The following PRKCA variants were observed in gnomAD, a reference collection of about 807,000 sequenced individuals.
PRKCA encodes the protein protein kinase C alpha type.
In PRKCA, 27 loss-of-function variants were observed where a neutral mutation model predicts 87.0. That is an observed-to-expected ratio of 0.31 (90% CI 0.23 to 0.43). The LOEUF (loss-of-function observed/expected upper bound fraction) is 0.43, where lower values mean the gene tolerates loss of function less well. Among genes scored for constraint, PRKCA ranks in the 20% least tolerant of loss-of-function variants. The pLI is 1.00. For synonymous variants in PRKCA, 329 were observed against 311.1 expected (o/e 1.06, Z -0.61); for missense variants, 518 against 852.3 (o/e 0.61, Z 4.88).
intron 3 of PRKCA, among the ~76,000 whole-genome samples, chr17:66,593,451 G>T (rs181953057): frequency 2.2e-4 from 33 of 152,294 alleles, no homozygotes; most frequent in Middle Eastern, 3.4e-3. Context: ...AGCACTCTGT[G>T]CACAGCCCAC....
At chr17:66,571,101 A>G (rs142546780) in intron 3 of PRKCA, among the ~76,000 whole-genome samples, 1 of 152,334 alleles carries the variant, frequency 6.6e-6, no homozygotes, top group Non-Finnish European at 1.5e-5. Flanking sequence ...TACTTCTTAA[A>G]TTTCGTACTA....
intron 2 of PRKCA, among the ~76,000 whole-genome samples, chr17:66,417,920 G>A (rs2143776016): frequency 6.6e-6 from 1 of 152,176 alleles, no homozygotes; most frequent in South Asian, 2.1e-4. Flanking sequence ...TATTTCTATG[G>A]TAACTCCCAT....
chr17:66,674,382 C>T (rs1216890764), intron 5 of PRKCA, among the ~76,000 whole-genome samples: 1 of 152,224 alleles, frequency 6.6e-6, no homozygotes, highest in African/African-American at 2.4e-5. Flanking sequence ...TCAGCAGTTA[C>T]TCAGTTCACG....
chr17:66,596,361 C>A (rs147871307), intron 3 of PRKCA, among the ~76,000 whole-genome samples: 1 of 152,056 alleles, frequency 6.6e-6, no homozygotes. Context: ...CAATTGGATG[C>A]GTTTTTCCTT....
At chr17:66,389,799 T>C (rs113591203) in intron 2 of PRKCA, among the ~76,000 whole-genome samples, 2 of 152,386 alleles carry the variant, frequency 1.3e-5, no homozygotes, top group African/African-American at 4.8e-5. Flanking sequence ...TAACATTTCA[T>C]TCTTACACAT....
intron 2 of PRKCA, among the ~76,000 whole-genome samples, chr17:66,489,542 A>G (rs957389447): frequency 6.6e-6 from 1 of 151,738 alleles, no homozygotes; most frequent in African/African-American, 2.4e-5. Flanking sequence ...CACCATCATT[A>G]TTGACAACTA....
At chr17:66,453,467 G>A (rs532475085) in intron 2 of PRKCA, among the ~76,000 whole-genome samples, 4 of 151,972 alleles carry the variant, frequency 2.6e-5, no homozygotes, top group South Asian at 4.2e-4. Flanking sequence ...ACAGGCGCCC[G>A]CCACCATGCC....
chr17:66,752,692 G>A (rs1319131662), intron 13 of PRKCA, among the ~76,000 whole-genome samples: 1 of 152,228 alleles, frequency 6.6e-6, no homozygotes, highest in African/African-American at 2.4e-5. Flanking sequence ...TCCCTACCAT[G>A]GCTCTGCTGG....
chr17:66,314,378 C>T (rs4791072), intron 2 of PRKCA, among the ~76,000 whole-genome samples: 43,406 of 151,840 alleles, frequency 0.29, 6,337 homozygotes, highest in Non-Finnish European at 0.33. Context: ...GTAGAAATTG[C>T]TATAACTGCA....
At chr17:66,506,731 T>C (rs1567864324) in intron 3 of PRKCA, among the ~76,000 whole-genome samples, 1 of 152,140 alleles carries the variant, frequency 6.6e-6, no homozygotes. Flanking sequence ...TGTTTCAAAG[T>C]GTAGTCTTCA....
At chr17:66,769,078 G>T (rs562032617) in intron 13 of PRKCA, among the ~76,000 whole-genome samples, 1 of 152,082 alleles carries the variant, frequency 6.6e-6, no homozygotes, top group Admixed American at 6.6e-5. Context: ...TTAGACTGAC[G>T]GGCTGTGGAA....
At chr17:66,396,957 C>CT (rs35135551) in intron 2 of PRKCA, among the ~76,000 whole-genome samples, 25,439 of 52,116 alleles carry the variant, frequency 0.49, 11,559 homozygotes, top group Non-Finnish European at 0.62. Context: ...ACAATCAAGA[C>CT]TTTTTTTTTT....
chr17:66,651,814 G>T (rs1390940316), intron 5 of PRKCA, among the ~76,000 whole-genome samples: 1 of 152,136 alleles, frequency 6.6e-6, no homozygotes, highest in Non-Finnish European at 1.5e-5. Flanking sequence ...ACCTGGTTCA[G>T]CGTTCTCAGC....
At chr17:66,546,896 A>G (rs911327357) in intron 3 of PRKCA, among the ~76,000 whole-genome samples, 2 of 152,194 alleles carry the variant, frequency 1.3e-5, no homozygotes, top group Non-Finnish European at 1.5e-5. Flanking sequence ...ACCACATCAC[A>G]TATGGTGTAA....
chr17:66,415,820 ACTTGTTG>A, intron 2 of PRKCA: 2 of 152,098 alleles, frequency 1.3e-5, no homozygotes, highest in African/African-American at 4.8e-5. Flanking sequence ...GCCTGCTCAA[ACTTGTTG>A]GGTGGACTGA....
intron 2 of PRKCA, among the ~76,000 whole-genome samples, chr17:66,433,114 T>C (rs368906649): frequency 1.8e-4 from 27 of 152,318 alleles, no homozygotes; most frequent in Middle Eastern, 3.4e-3. Context: ...CTAGTTTGGA[T>C]ATACCCTCAC....
intron 4 of PRKCA, among the ~76,000 whole-genome samples, chr17:66,642,857 A>G (rs1329504062): frequency 6.6e-6 from 1 of 152,146 alleles, no homozygotes; most frequent in African/African-American, 2.4e-5. Context: ...AGCCTGACCA[A>G]CATAGCGAAA....
At chr17:66,494,278 T>C (rs917158855) in intron 2 of PRKCA, among the ~76,000 whole-genome samples, 1 of 152,236 alleles carries the variant, frequency 6.6e-6, no homozygotes, top group Non-Finnish European at 1.5e-5. Flanking sequence ...TCATTTTTGC[T>C]GCTATAACAG....
chr17:66,402,049 C>A (rs548031952), intron 2 of PRKCA, among the ~76,000 whole-genome samples: 2 of 152,262 alleles, frequency 1.3e-5, no homozygotes, highest in African/African-American at 4.8e-5. Context: ...GAGCAGCCCA[C>A]CAAGGAGCTG....
Sources: allele counts gnomAD v4.1 joint callset (sites outside exome capture counted in the v4.1 genomes callset), GRCh38; gene constraint gnomAD v4.1.1; transcripts MANE v1.5; gene names NCBI Gene and HGNC (gene_info 2026-07-23, HGNC 2026-07-21).